The following RBFOX1 variants were observed in gnomAD, a reference collection of about 807,000 sequenced individuals.
RBFOX1 encodes RNA binding protein fox-1 homolog 1.
Under a neutral mutation model 57.7 loss-of-function variants are expected in RBFOX1, and 8 were observed. The observed-to-expected ratio is 0.14, with a 90% CI of 0.08 to 0.25. The LOEUF is 0.25. Ranked by LOEUF, RBFOX1 falls within the 10% of genes least tolerant of loss-of-function variation. RBFOX1 has a pLI of 1.00. For synonymous variants in RBFOX1, 326 were observed against 222.4 expected (o/e 1.47, Z -4.15); for missense variants, 611 against 548.5 (o/e 1.11, Z -1.14).
chr16:6,276,807 T>C (rs1168436854), intron 1 of RBFOX1, among the ~76,000 whole-genome samples: 1 of 99,474 alleles, frequency 1.0e-5, no homozygotes, highest in African/African-American at 3.5e-5. Context: ...TGTAATTATT[T>C]CTTTTCTTTG....
At chr16:5,811,143 A>AT (rs374827330) in intron 3 of RBFOX1, among the ~76,000 whole-genome samples, 5,003 of 104,460 alleles carry the variant, frequency 0.048, 435 homozygotes, top group African/African-American at 0.13. Context: ...TATGGAACAA[A>AT]TTTTTTTTTT....
At chr16:7,664,294 AAC>A (rs1439409311) in intron 12 of RBFOX1, among the ~76,000 whole-genome samples, 3 of 152,338 alleles carry the variant, frequency 2.0e-5, no homozygotes, top group South Asian at 2.1e-4. Context: ...CTGCACAGAA[AAC>A]ACATTCTTGC....
intron 1 of RBFOX1, among the ~76,000 whole-genome samples, chr16:6,224,406 G>T (rs2097400665): frequency 6.6e-6 from 1 of 152,094 alleles, no homozygotes; most frequent in African/African-American, 2.4e-5. Context: ...TCTCCTTGAA[G>T]AGGTCCTTCA....
chr16:7,315,451 A>G (rs965867589), intron 4 of RBFOX1, among the ~76,000 whole-genome samples: 2 of 122,224 alleles, frequency 1.6e-5, no homozygotes, highest in Admixed American at 7.7e-5. Flanking sequence ...GCCCTACTCT[A>G]CCCTACCCCC....
chr16:5,651,037 C>CTTTTTTTT (rs1346014250), intron 3 of RBFOX1, among the ~76,000 whole-genome samples: 1 of 75,860 alleles, frequency 1.3e-5, no homozygotes, highest in Non-Finnish European at 2.9e-5. Context: ...ACACTACCTC[C>CTTTTTTTT]TTCTTTTTTT....
At chr16:5,258,553 T>C (rs1214626516) in intron 1 of RBFOX1, among the ~76,000 whole-genome samples, 1 of 152,172 alleles carries the variant, frequency 6.6e-6, no homozygotes, top group Non-Finnish European at 1.5e-5. Flanking sequence ...GATAATAAGA[T>C]CTCAAGATTT....
At chr16:5,454,946 C>T (rs7500227) in intron 1 of RBFOX1, among the ~76,000 whole-genome samples, 3,024 of 47,232 alleles carry the variant, frequency 0.064, 115 homozygotes, top group East Asian at 0.16. Context: ...TTCCTTCCTT[C>T]CTTCCTTCCT....
intron 1 of RBFOX1, among the ~76,000 whole-genome samples, chr16:5,349,248 T>C (rs1487455831): frequency 6.6e-6 from 1 of 152,218 alleles, no homozygotes; most frequent in Non-Finnish European, 1.5e-5. Context: ...GCCAGACTCA[T>C]AGAAACAGAG....
chr16:6,514,062 A>G (rs543686013), intron 2 of RBFOX1, among the ~76,000 whole-genome samples: 2 of 152,332 alleles, frequency 1.3e-5, no homozygotes, highest in East Asian at 3.9e-4. Context: ...GTTGCTCTGT[A>G]AGTCCGTAGC....
At chr16:7,247,638 T>G (rs2094353875) in intron 4 of RBFOX1, among the ~76,000 whole-genome samples, 1 of 152,230 alleles carries the variant, frequency 6.6e-6, no homozygotes, top group Non-Finnish European at 1.5e-5. Context: ...AATGCCGTGA[T>G]TTTAAGAATA....
At chr16:6,359,738 A>G (rs2088077897) in intron 2 of RBFOX1, among the ~76,000 whole-genome samples, 1 of 152,196 alleles carries the variant, frequency 6.6e-6, no homozygotes, top group African/African-American at 2.4e-5. Context: ...AGGCGTGTAT[A>G]TAAGCCAGCC....
intron 2 of RBFOX1, among the ~76,000 whole-genome samples, chr16:6,335,668 C>T (rs895139537): frequency 4.0e-5 from 6 of 149,962 alleles, no homozygotes; most frequent in African/African-American, 1.5e-4. Context: ...ACCCCAGCTA[C>T]TTGGGAGGCT....
intron 4 of RBFOX1, among the ~76,000 whole-genome samples, chr16:5,895,651 C>T (rs1391590859): frequency 6.6e-6 from 1 of 152,166 alleles, no homozygotes; most frequent in Admixed American, 6.5e-5. Flanking sequence ...TGCAGTCTAA[C>T]TGTGGGTAAG....
At chr16:5,851,436 G>C (rs2056895099) in intron 3 of RBFOX1, among the ~76,000 whole-genome samples, 1 of 152,122 alleles carries the variant, frequency 6.6e-6, no homozygotes, top group African/African-American at 2.4e-5. Context: ...TTTCCTCTGT[G>C]TGTTTTCCAA....
intron 6 of RBFOX1, 86 bp downstream of exon 6, chr16:7,580,006 T>C: frequency 7.0e-7 from 1 of 1,430,776 alleles, no homozygotes; most frequent in Non-Finnish European, 9.6e-7. Context: ...GTATTTACAA[T>C]ACTAAGGTTA....
chr16:5,768,928 T>A (rs2053883074), intron 3 of RBFOX1, among the ~76,000 whole-genome samples: 1 of 151,994 alleles, frequency 6.6e-6, no homozygotes, highest in Non-Finnish European at 1.5e-5. Flanking sequence ...TGGTTTAGAT[T>A]ATCAGATGAA....
intron 4 of RBFOX1, chr16:7,304,327 G>C (rs2096118377): frequency 6.1e-6 from 6 of 985,114 alleles, no homozygotes; most frequent in Non-Finnish European, 6.0e-6. Context: ...CCCAGGCAGA[G>C]AGCAACGTGA....
chr16:5,984,976 ATT>A (rs869160414), intron 4 of RBFOX1, among the ~76,000 whole-genome samples: 4,885 of 53,926 alleles, frequency 0.091, 71 homozygotes, highest in Non-Finnish European at 0.11. Flanking sequence ...ATATATATAT[ATT>A]TTTTTTTTTT....
chr16:6,224,420 C>G (rs2097400753), intron 1 of RBFOX1, among the ~76,000 whole-genome samples: 1 of 151,988 alleles, frequency 6.6e-6, no homozygotes, highest in African/African-American at 2.4e-5. Flanking sequence ...TCCTTCATGT[C>G]CCTTGTAAGC....
Sources: gnomAD v4.1 joint callset for allele counts (sites outside exome capture counted in the v4.1 genomes callset) on GRCh38, gnomAD v4.1.1 for gene constraint, MANE v1.5 for transcripts, NCBI Gene and HGNC (gene_info 2026-07-23, HGNC 2026-07-21) for gene names.